XYLT1: variants seen among roughly 807,000 people sequenced by gnomAD.
XYLT1 encodes beta-D-xylosyltransferase 1.
XYLT1 carries 36 observed loss-of-function variants against 91.3 expected under a neutral mutation model. The ratio of observed to expected loss-of-function variants is 0.39; its 90% CI spans 0.30 to 0.52. The LOEUF (loss-of-function observed/expected upper bound fraction) is 0.52. XYLT1 is among the 20% of genes least tolerant of loss of function. The pLI is 0.68. For missense variants in XYLT1, 1,242 were observed against 1,284.5 expected (o/e 0.97, Z 0.51); for synonymous variants, 588 against 532.0 (o/e 1.11, Z -1.45).
intron 1 of XYLT1, among the ~76,000 whole-genome samples, chr16:17,463,522 TATC>T (rs2036848601): frequency 6.6e-6 from 1 of 152,206 alleles, no homozygotes; most frequent in African/African-American, 2.4e-5. Flanking sequence ...CACAGTGAGA[TATC>T]ATCTCACCCC....
intron 2 of XYLT1, among the ~76,000 whole-genome samples, chr16:17,260,112 C>T (rs756140028): frequency 6.6e-6 from 1 of 151,166 alleles, no homozygotes; most frequent in Non-Finnish European, 1.5e-5. Context: ...AGCAAACTTG[C>T]GACACTCTTG....
chr16:17,408,716 C>T (rs1041676906), intron 1 of XYLT1, among the ~76,000 whole-genome samples: 8 of 152,162 alleles, frequency 5.3e-5, no homozygotes, highest in Non-Finnish European at 8.8e-5. Flanking sequence ...CGTGCTGGCA[C>T]AGGCCTATAA....
chr16:17,351,919 G>A (rs1052728818), intron 2 of XYLT1, among the ~76,000 whole-genome samples: 3 of 152,068 alleles, frequency 2.0e-5, no homozygotes, highest in Admixed American at 6.6e-5. Flanking sequence ...TGAGGCGGGC[G>A]GACTGCTTGA....
At chr16:17,284,918 C>A (rs1201484585) in intron 2 of XYLT1, among the ~76,000 whole-genome samples, 1 of 152,142 alleles carries the variant, frequency 6.6e-6, no homozygotes, top group African/African-American at 2.4e-5. Context: ...TGGGGCTGAA[C>A]CTGGGTACAC....
At chr16:17,355,795 T>A (rs114184988) in intron 2 of XYLT1, among the ~76,000 whole-genome samples, 3,055 of 152,186 alleles carry the variant, frequency 0.02, 101 homozygotes, top group African/African-American at 0.069. Flanking sequence ...CTGCAGCCTC[T>A]ACCTCCTGGG....
intron 3 of XYLT1, among the ~76,000 whole-genome samples, chr16:17,220,436 G>A (rs2032945287): frequency 6.6e-6 from 1 of 152,176 alleles, no homozygotes; most frequent in African/African-American, 2.4e-5. Context: ...AGGCAGTCTG[G>A]ATAAATTTGG....
At chr16:17,138,796 G>A (rs1467487170) in intron 7 of XYLT1, 3 of 389,402 alleles carry the variant, frequency 7.7e-6, no homozygotes, top group East Asian at 9.2e-5. Flanking sequence ...TGACTGTCAA[G>A]GGACTCTTAT....
intron 2 of XYLT1, among the ~76,000 whole-genome samples, chr16:17,271,134 G>C (rs1252994329): frequency 6.9e-6 from 1 of 144,734 alleles, no homozygotes; most frequent in African/African-American, 2.7e-5. Flanking sequence ...TCTATGGAGA[G>C]AGGCCTCCTA....
Position 17,354,283 on chromosome 16 carries a change from C to T in XYLT1, c.402+3729G>A, listed in dbSNP as rs570071316. Reference sequence around the variant, plus strand: ...CGGCTTCCTCATTCTATTAATCTGGCCGTTAAGCAGAGAGTCCTGCTGATG... The same window carrying T: ...CGGCTTCCTCATTCTATTAATCTGGTCGTTAAGCAGAGAGTCCTGCTGATG... On this transcript the variant is annotated intron_variant, in intron 2 of 11. Coordinates refer to ENST00000261381, the MANE Select transcript of XYLT1 (RefSeq NM_022166.4). Among the ~76,000 whole-genome samples the T allele has an allele frequency of 3.9e-5, 6 of 152,198 alleles. No individual in the cohort carries two copies. The East Asian group carries it at 9.7e-4, about 25-fold the overall frequency.
At chr16:17,192,090 CTCTTTTTTTTTTTTTT>C (rs2032321895) in intron 5 of XYLT1, among the ~76,000 whole-genome samples, 1 of 141,400 alleles carries the variant, frequency 7.1e-6, no homozygotes, top group African/African-American at 2.7e-5. Context: ...CTCTCTCTCT[CTCTTTTTTTTTTTTTT>C]TTTTTTTTTT....
At chr16:17,335,210 C>G (rs905492457) in intron 2 of XYLT1, among the ~76,000 whole-genome samples, 2 of 151,450 alleles carry the variant, frequency 1.3e-5, no homozygotes, top group Non-Finnish European at 2.9e-5. Context: ...CAGAGTGAGA[C>G]TCTGTCTCAA....
At chr16:17,138,757 GCAATGCAAAAATGTAT>G in intron 7 of XYLT1, 1 of 504,308 alleles carries the variant, frequency 2.0e-6, no homozygotes, top group East Asian at 3.3e-5. Flanking sequence ...TTCCTTCATA[GCAATGCAAAAATGTAT>G]AACACAACTA....
rs147028730 is a variant in XYLT1, at chr16:17,460,357, G to A, written c.363+10077C>T. Reference sequence around the variant, plus strand: ...CGGAATGCATGATTCTATTTCTGTCGGGGACATTTGCCTTCAGGATGGCCT... The same window carrying A: ...CGGAATGCATGATTCTATTTCTGTCAGGGACATTTGCCTTCAGGATGGCCT... On this transcript the variant is annotated intron_variant, in intron 1 of 11. Transcript: ENST00000261381. 3.8e-3 allele frequency among the ~76,000 whole-genome samples: 580 copies of A among 152,252 alleles called. 5 individuals carry two copies. The highest frequency in any genetic ancestry group is 0.013 in the African/African-American group (544 of 41,562).
chr16:17,165,984 G>T (rs1359422121), intron 5 of XYLT1, among the ~76,000 whole-genome samples: 1 of 152,228 alleles, frequency 6.6e-6, no homozygotes, highest in East Asian at 1.9e-4. Flanking sequence ...GCCTGTGGCT[G>T]CCAGGAGCAT....
intron 1 of XYLT1, among the ~76,000 whole-genome samples, chr16:17,428,104 C>T (rs1395499593): frequency 6.6e-6 from 1 of 152,160 alleles, no homozygotes; most frequent in Non-Finnish European, 1.5e-5. Flanking sequence ...GATTCTCACC[C>T]TCCTGAGTAG....
intron 3 of XYLT1, among the ~76,000 whole-genome samples, chr16:17,231,096 CA>C (rs570985908): frequency 3.6e-4 from 55 of 152,336 alleles, no homozygotes; most frequent in African/African-American, 1.2e-3. Flanking sequence ...CAGAAGGAAA[CA>C]GTTCACGCAT....
intron 2 of XYLT1, among the ~76,000 whole-genome samples, chr16:17,284,966 T>C (rs919537636): frequency 1.3e-5 from 2 of 151,926 alleles, no homozygotes; most frequent in African/African-American, 4.8e-5. Flanking sequence ...CTAAGTGCAC[T>C]GGGGAGCCAC....
At chr16:17,183,131 C>A (rs905888232) in intron 5 of XYLT1, among the ~76,000 whole-genome samples, 1 of 152,170 alleles carries the variant, frequency 6.6e-6, no homozygotes, top group Admixed American at 6.5e-5. Context: ...CCCAGCTTGG[C>A]CACGATCAAG....
At chr16:17,334,187 A>C (rs1306690978) in intron 2 of XYLT1, among the ~76,000 whole-genome samples, 1 of 152,164 alleles carries the variant, frequency 6.6e-6, no homozygotes, top group Non-Finnish European at 1.5e-5. Flanking sequence ...TGTGAGCAAT[A>C]CATTTCTGTT....
Sources: gnomAD v4.1 joint callset for allele counts (sites outside exome capture counted in the v4.1 genomes callset) on GRCh38, gnomAD v4.1.1 for gene constraint, MANE v1.5 for transcripts, NCBI Gene and HGNC (gene_info 2026-07-23, HGNC 2026-07-21) for gene names.